The following MGAM variants were observed in gnomAD, a reference collection of about 807,000 sequenced individuals.
The protein encoded by MGAM is maltase-glucoamylase.
Under a neutral mutation model 358.8 loss-of-function variants are expected in MGAM, and 253 were observed. The ratio of observed to expected loss-of-function variants is 0.71; its 90% CI spans 0.64 to 0.78. The LOEUF (loss-of-function observed/expected upper bound fraction) is 0.78, where lower values mean the gene tolerates loss of function less well. Ranked by LOEUF, MGAM falls within the 30% of genes least tolerant of loss-of-function variation. The probability of loss-of-function intolerance (pLI) is 0.00; values close to 1 mark genes in which losing one functional copy is unlikely to be tolerated. For synonymous variants in MGAM, 1,105 were observed against 1,227.1 expected (o/e 0.90, Z 2.08); for missense variants, 3,080 against 3,432.6 (o/e 0.90, Z 2.57).
chr7:142,012,361 A>G (rs554864488), intron 3 of MGAM, among the ~76,000 whole-genome samples: 19 of 152,288 alleles, frequency 1.2e-4, no homozygotes, highest in Non-Finnish European at 2.8e-4. Flanking sequence ...CAGCACGTAG[A>G]CAGCAAGAGA....
At chr7:142,025,512 T>C (rs10274727) in intron 8 of MGAM, among the ~76,000 whole-genome samples, 7,564 of 152,200 alleles carry the variant, frequency 0.05, 417 homozygotes, top group African/African-American at 0.13. Flanking sequence ...TGAATTGCCA[T>C]AGGGGAAGAG....
At chr7:142,006,399 C>A (rs1584903650) in intron 2 of MGAM, among the ~76,000 whole-genome samples, 1 of 152,182 alleles carries the variant, frequency 6.6e-6, no homozygotes. Flanking sequence ...TCTGCTAAAG[C>A]TTTGGCAAAC....
At chr7:142,070,897 TAAG>T in intron 43 of MGAM, 94 bp from the exon 44 acceptor site, 1 of 1,444,646 alleles carries the variant, frequency 6.9e-7, no homozygotes, top group Non-Finnish European at 9.6e-7. Flanking sequence ...TGAACAGGCA[TAAG>T]TTCAGAGGGG....
intron 9 of MGAM, 144 bp from the exon 10 acceptor site, chr7:142,027,466 C>A: frequency 1.0e-6 from 1 of 991,168 alleles, no homozygotes; most frequent in South Asian, 1.8e-5. Context: ...TATGAAGGGG[C>A]TGGAAAAATA....
At position 142,079,728 on chromosome 7, in the gene MGAM, T is replaced by A. The variant is rs1220309090; in HGVS notation, c.5847+720T>A. ...GTCTAATACAGAGCCTGGCAGATAGTTAGTGCTGTAATGTAATTGACAGAG... is the reference window on the plus strand; with the variant it reads ...GTCTAATACAGAGCCTGGCAGATAGATAGTGCTGTAATGTAATTGACAGAG... On this transcript the variant is annotated intron_variant, in intron 49 of 70. Transcript: ENST00000475668. Among the ~76,000 whole-genome samples the A allele has an allele frequency of 2.1e-5, 3 of 146,288 alleles. 1 individual carries two copies. The highest frequency in any genetic ancestry group is 4.6e-5 in the Non-Finnish European group (3 of 64,568).
At chr7:142,039,724 G>A (rs1808338613) in intron 19 of MGAM, among the ~76,000 whole-genome samples, 2 of 152,070 alleles carry the variant, frequency 1.3e-5, no homozygotes, top group Non-Finnish European at 1.5e-5. Context: ...TGTTGTCTCT[G>A]CCACTTTGAG....
intron 2 of MGAM, among the ~76,000 whole-genome samples, chr7:142,006,409 C>A (rs1805170070): frequency 6.6e-6 from 1 of 152,102 alleles, no homozygotes; most frequent in South Asian, 2.1e-4. Context: ...CTTTGGCAAA[C>A]TTTCTCAAAG....
At chr7:142,045,205 TATA>T (rs1809962026) in intron 21 of MGAM, among the ~76,000 whole-genome samples, 2 of 63,170 alleles carry the variant, frequency 3.2e-5, no homozygotes, top group Non-Finnish European at 5.8e-5. Context: ...ATATATATTA[TATA>T]ACATATATGT....
At position 142,094,498 on chromosome 7, in the gene MGAM, G is replaced by T. The variant is rs748654062; in HGVS notation, c.7306+1G>T. On this transcript the variant is annotated splice_donor_variant, in intron 61 of 70. Coordinates refer to ENST00000475668, the MANE Select transcript of MGAM (RefSeq NM_001365693.1). LOFTEE classifies it high-confidence loss of function. ...GATCAGCTGAAGAAGTCTATCATTG[G>T]TGCGTGGGTCCTTCCCAGGGCCTGT... is the stretch of plus-strand genomic sequence containing the variant. The T allele has an allele frequency of 2.6e-6, 4 of 1,546,782 alleles. No individual in the cohort carries two copies. In the African/African-American group the frequency reaches 4.0e-5, roughly 16 times the overall value.
At chr7:141,994,064 C>T (rs890191356), upstream of MGAM, among the ~76,000 whole-genome samples, 19 of 152,114 alleles carry the variant, frequency 1.2e-4, no homozygotes, top group Admixed American at 1.3e-4. Context: ...TTAGTAGAGA[C>T]GCGGTTTCAC....
In MGAM at chr7:142,022,259, T is replaced by TGTGTCTAG; in HGVS notation, c.711-6_712dup. ...CTCACCCATCCTTGTGTTCTCCACC[T>TGTGTCTAG]GTGTCTAGGTTTGACTCGAGCATTG... On this transcript the variant is annotated splice_polypyrimidine_tract_variant and intron_variant, in intron 6 of 70. Transcript: ENST00000475668. 1 of 1,597,800 alleles carries TGTGTCTAG rather than the reference T, an allele frequency of 6.3e-7. No homozygotes were observed. The highest frequency in any genetic ancestry group is 8.5e-7 in the Non-Finnish European group (1 of 1,170,972).
At chr7:142,005,106 G>T (rs28514687) in intron 1 of MGAM, among the ~76,000 whole-genome samples, 4,172 of 151,972 alleles carry the variant, frequency 0.027, 131 homozygotes, top group African/African-American at 0.077. Flanking sequence ...AATTACAAGA[G>T]ATAAATCTTA....
rs748855446 is a variant in MGAM at position 142,060,358 on chromosome 7, G to T, written c.4107G>T (p.Trp1369Cys). ...TTGTTGTGAATGGGTCTCTAGACTGGGACAGCCAAGTGGAGGTAAAAGGGT... is the reference window on the plus strand; with the variant it reads ...TTGTTGTGAATGGGTCTCTAGACTGTGACAGCCAAGTGGAGGTAAAAGGGT... ...PDVVVNGSLD[W>C]DSQVELYRAY... The change falls in exon 34 of 71, where the codon TGG becomes TGT. Residue 1369 changes from tryptophan to cysteine, a missense_variant. Physicochemically the swap from Trp to Cys is radical, Grantham distance 215. Around this residue, in one of 5 missense-constraint regions of MGAM, gnomAD observed 1,816 missense variants for 1,840.5 expected, o/e 0.99. Transcript: ENST00000475668. 1.9e-6 allele frequency: 3 copies of T among 1,614,046 alleles called. No individual in the cohort carries two copies. In the East Asian group the frequency reaches 6.7e-5, roughly 36 times the overall value.
At chr7:142,067,050 G>C (rs78792449) in intron 41 of MGAM, among the ~76,000 whole-genome samples, 1 of 146,196 alleles carries the variant, frequency 6.8e-6, no homozygotes, top group Non-Finnish European at 1.5e-5. Flanking sequence ...TTCAGCAAGA[G>C]AATTGAGGGA....
chr7:142,022,258 C>T lies in MGAM; in HGVS notation c.711-10C>T, dbSNP rs893163948. On this transcript the variant is annotated splice_polypyrimidine_tract_variant and intron_variant, in intron 6 of 70. Transcript: ENST00000475668. ...GCTCACCCATCCTTGTGTTCTCCAC[C>T]TGTGTCTAGGTTTGACTCGAGCATT... 6.3e-7 allele frequency: 1 copy of T among 1,596,160 alleles called. No individual in the cohort carries two copies.
chr7:142,038,946 C>T (rs1308989152), intron 19 of MGAM, among the ~76,000 whole-genome samples: 1 of 152,076 alleles, frequency 6.6e-6, no homozygotes, highest in Non-Finnish European at 1.5e-5. Flanking sequence ...TTCATTGGCT[C>T]ACAGTTCTGA....
At chr7:142,067,951 TATATATATATATAA>T (rs1232891135) in intron 42 of MGAM, among the ~76,000 whole-genome samples, 6 of 37,280 alleles carry the variant, frequency 1.6e-4, no homozygotes, top group African/African-American at 4.4e-4. Context: ...TATATATATA[TATATATATATATAA>T]ATATATATAT....
intron 43 of MGAM, 90 bp from the exon 44 acceptor site, chr7:142,070,904 A>G (rs1813287888): frequency 6.8e-7 from 1 of 1,470,488 alleles, no homozygotes; most frequent in Admixed American, 1.8e-5. Context: ...GCATAAGTTC[A>G]GAGGGGAGGA....
chr7:142,045,069 T>TGATATATAATATGTATATTATATAC (rs1378037838), intron 21 of MGAM, among the ~76,000 whole-genome samples: 1 of 35,934 alleles, frequency 2.8e-5, no homozygotes, highest in African/African-American at 7.0e-5. Flanking sequence ...ATATTATATA[T>TGATATATAATATGTATATTATATAC]ACGTGTAATA....
Sources: gnomAD v4.1 joint callset for allele counts (sites outside exome capture counted in the v4.1 genomes callset) on GRCh38, gnomAD v4.1.1 for gene constraint, gnomAD v4.1.1 regional missense constraint, MANE v1.5 for transcripts, NCBI Gene and HGNC (gene_info 2026-07-23, HGNC 2026-07-21) for gene names.